DPYD: variants seen among roughly 807,000 people sequenced by gnomAD.
DPYD encodes dihydropyrimidine dehydrogenase, also known as dihydropyrimidine dehydrogenase [NADP(+)].
DPYD carries 109 observed loss-of-function variants against 116.2 expected under a neutral mutation model. The ratio of observed to expected loss-of-function variants is 0.94; its 90% CI spans 0.80 to 1.10. The LOEUF (loss-of-function observed/expected upper bound fraction) is 1.10, where lower values mean the gene tolerates loss of function less well. Among genes scored for constraint, DPYD ranks in the 50% least tolerant of loss-of-function variants. The pLI is 0.00. For synonymous variants in DPYD, 440 were observed against 432.0 expected (o/e 1.02, Z -0.23); for missense variants, 1,302 against 1,254.5 (o/e 1.04, Z -0.57).
At chr1:97,088,102 A>C (rs950669491) in intron 21 of DPYD, among the ~76,000 whole-genome samples, 3 of 152,158 alleles carry the variant, frequency 2.0e-5, no homozygotes, top group Non-Finnish European at 4.4e-5. Flanking sequence ...CTTACTTCTT[A>C]GGAAACTTAG....
chr1:97,810,071 G>A (rs1235083673), intron 3 of DPYD, among the ~76,000 whole-genome samples: 2 of 151,934 alleles, frequency 1.3e-5, no homozygotes, highest in Non-Finnish European at 2.9e-5. Flanking sequence ...TGGATCACGA[G>A]GTCAGGAGAT....
At chr1:97,716,786 A>T in intron 5 of DPYD, among the ~76,000 whole-genome samples, 1 of 152,072 alleles carries the variant, frequency 6.6e-6, no homozygotes, top group East Asian at 1.9e-4. Context: ...TAAAACATAG[A>T]CCATATTCAT....
In DPYD at chr1:97,512,302, T is replaced by C. The variant is rs552508742; in HGVS notation, c.1740+3424A>G. Among the ~76,000 whole-genome samples, 45 of 152,020 alleles carry C rather than the reference T, an allele frequency of 3.0e-4. No individual in the cohort carries two copies. The East Asian group carries it at 6.2e-3, about 21-fold the overall frequency. ...CATTTTATAAGAGAGACCTATTACA[T>C]GGATACTTATTTACCTAATTTGATA... is the stretch of plus-strand genomic sequence containing the variant. On this transcript the variant is annotated intron_variant, in intron 13 of 22. Transcript: ENST00000370192.
intron 20 of DPYD, among the ~76,000 whole-genome samples, chr1:97,121,136 C>T (rs1452011302): frequency 6.6e-6 from 1 of 152,204 alleles, no homozygotes. Flanking sequence ...GTCAACTCCA[C>T]ACCACACTGC....
rs551175244 is a variant in DPYD at position 97,848,028 on chromosome 1, T to C, written c.151-19832A>G. Among the ~76,000 whole-genome samples, 24 of 152,282 alleles carry C rather than the reference T, an allele frequency of 1.6e-4. 1 individual carries two copies. The South Asian group carries it at 2.3e-3, about 14-fold the overall frequency. On this transcript the variant is annotated intron_variant, in intron 2 of 22. Transcript: ENST00000370192. ...ATAATAGGAAACTAAGGTGAAAATATAGCATTTAAAATATTAAAATATTCA... is the reference window on the plus strand; with the variant it reads ...ATAATAGGAAACTAAGGTGAAAATACAGCATTTAAAATATTAAAATATTCA...
chr1:97,083,764 A>G (rs1255964079), intron 21 of DPYD, among the ~76,000 whole-genome samples: 1 of 152,110 alleles, frequency 6.6e-6, no homozygotes, highest in African/African-American at 2.4e-5. Flanking sequence ...CTTATCATCA[A>G]CAACACGAAC....
chr1:97,845,648 G>C (rs947060286), intron 2 of DPYD, among the ~76,000 whole-genome samples: 14 of 152,318 alleles, frequency 9.2e-5, no homozygotes, highest in African/African-American at 3.1e-4. Context: ...GGGAATGAAA[G>C]AGCAGTAACA....
chr1:97,233,636 A>C (rs553354634), intron 19 of DPYD, among the ~76,000 whole-genome samples: 1 of 152,068 alleles, frequency 6.6e-6, no homozygotes, highest in Admixed American at 6.6e-5. Flanking sequence ...TAGAGAGAGC[A>C]GGCTTTTCAT....
chr1:97,228,302 G>A (rs1931072), intron 19 of DPYD, among the ~76,000 whole-genome samples: 48,366 of 151,682 alleles, frequency 0.32, 7,849 homozygotes, highest in African/African-American at 0.38. Context: ...TCACACTTAT[G>A]CAACTTATGA....
At chr1:97,103,969 T>C (rs1650943890) in intron 20 of DPYD, among the ~76,000 whole-genome samples, 1 of 152,126 alleles carries the variant, frequency 6.6e-6, no homozygotes, top group South Asian at 2.1e-4. Flanking sequence ...CTTTTTCACC[T>C]GGTACATGCC....
At chr1:97,756,567 A>C (rs927964978) in intron 3 of DPYD, among the ~76,000 whole-genome samples, 1 of 152,156 alleles carries the variant, frequency 6.6e-6, no homozygotes, top group Non-Finnish European at 1.5e-5. Context: ...AATTTTTCTT[A>C]TGTGCCACCT....
chr1:97,116,784 C>T (rs1037504928), intron 20 of DPYD, among the ~76,000 whole-genome samples: 13 of 152,034 alleles, frequency 8.6e-5, no homozygotes, highest in Non-Finnish European at 1.9e-4. Flanking sequence ...TTTTTGTACA[C>T]AATCTCCTTT....
Position 97,872,923 on chromosome 1 carries a change from G to A in DPYD, c.150+10341C>T, listed in dbSNP as rs553434376. On this transcript the variant is annotated intron_variant, in intron 2 of 22. Coordinates refer to ENST00000370192, the MANE Select transcript of DPYD (RefSeq NM_000110.4). ...TCAATCAGTATGCTCCCCCATCTTC[G>A]GACTTTCAGATACAAGTTTTCTACT... Among the ~76,000 whole-genome samples the A allele has an allele frequency of 4.0e-5, 6 of 151,764 alleles. No homozygotes were observed. In the South Asian group the frequency reaches 8.3e-4, roughly 21 times the overall value.
chr1:97,521,065 T>C (rs1410113920), intron 12 of DPYD, among the ~76,000 whole-genome samples: 1 of 152,212 alleles, frequency 6.6e-6, no homozygotes, highest in Non-Finnish European at 1.5e-5. Context: ...TCTTCCACAA[T>C]GGTTGAACTA....
At chr1:97,701,199 A>T (rs886544590) in intron 5 of DPYD, among the ~76,000 whole-genome samples, 3 of 147,604 alleles carry the variant, frequency 2.0e-5, no homozygotes, top group Admixed American at 6.9e-5. Context: ...TATATATATT[A>T]TATATATATA....
At chr1:97,311,559 G>C (rs771386521) in intron 16 of DPYD, among the ~76,000 whole-genome samples, 2 of 151,734 alleles carry the variant, frequency 1.3e-5, no homozygotes, top group Non-Finnish European at 1.5e-5. Flanking sequence ...ATCAGTACAA[G>C]AGTCTTTGGG....
intron 5 of DPYD, among the ~76,000 whole-genome samples, chr1:97,703,307 G>A (rs1215024304): frequency 6.6e-6 from 1 of 151,978 alleles, no homozygotes; most frequent in Non-Finnish European, 1.5e-5. Flanking sequence ...GACTCTTGGG[G>A]TTGAGTCTTG....
At chr1:97,081,616 C>A (rs777772541) in intron 22 of DPYD, among the ~76,000 whole-genome samples, 1 of 151,650 alleles carries the variant, frequency 6.6e-6, no homozygotes, top group Non-Finnish European at 1.5e-5. Flanking sequence ...AAATTATAAG[C>A]CAAAGAGAAA....
intron 8 of DPYD, among the ~76,000 whole-genome samples, chr1:97,617,429 G>C (rs1475419296): frequency 6.6e-6 from 1 of 152,180 alleles, no homozygotes; most frequent in African/African-American, 2.4e-5. Flanking sequence ...ATATTTGTAA[G>C]TTAGTAATTT....
Sources: allele counts gnomAD v4.1 joint callset (sites outside exome capture counted in the v4.1 genomes callset), GRCh38; gene constraint gnomAD v4.1.1; transcripts MANE v1.5; gene names NCBI Gene and HGNC (gene_info 2026-07-23, HGNC 2026-07-21).